Variants in GALNT13 observed in about 807,000 individuals in gnomAD.
GALNT13 encodes UDP-GalNAc:polypeptide N-acetylgalactosaminyltransferase 13.
In GALNT13, 28 loss-of-function variants were observed where a neutral mutation model predicts 64.2. That is an observed-to-expected ratio of 0.44 (90% CI 0.32 to 0.60). The LOEUF is 0.60. Among genes scored for constraint, GALNT13 ranks in the 20% least tolerant of loss-of-function variants. The pLI, the probability that GALNT13 is intolerant of heterozygous loss-of-function variation, is 0.05. For synonymous variants in GALNT13, 214 were observed against 224.6 expected (o/e 0.95, Z 0.42); for missense variants, 577 against 669.8 (o/e 0.86, Z 1.53).
the GALNT13 span, among the ~76,000 whole-genome samples, chr2:153,697,522 T>G: frequency 6.6e-6 from 1 of 152,154 alleles, no homozygotes; most frequent in African/African-American, 2.4e-5. Context: ...TATTTCTGAA[T>G]GTGATGTGTG....
At chr2:154,082,645 G>A (rs563588058) in intron 3 of GALNT13, among the ~76,000 whole-genome samples, 33 of 151,826 alleles carry the variant, frequency 2.2e-4, no homozygotes, top group Admixed American at 1.9e-3. Context: ...AAGTGGTTTC[G>A]AATCAGAACT....
the GALNT13 span, among the ~76,000 whole-genome samples, chr2:153,830,291 T>A: frequency 6.6e-6 from 1 of 152,168 alleles, no homozygotes; most frequent in Admixed American, 6.5e-5. Flanking sequence ...CACAATTTTC[T>A]TTATTATTAT....
At chr2:153,595,749 A>C in the GALNT13 span, among the ~76,000 whole-genome samples, 2 of 152,142 alleles carry the variant, frequency 1.3e-5, no homozygotes, top group East Asian at 3.8e-4. Context: ...ACAGATGAAA[A>C]TTGTCCTACC....
chr2:153,966,405 G>A (rs1278198056), intron 3 of GALNT13, among the ~76,000 whole-genome samples: 4 of 150,270 alleles, frequency 2.7e-5, no homozygotes, highest in South Asian at 4.2e-4. Context: ...TTGCACTGTC[G>A]CCTAGGCTGG....
intron 3 of GALNT13, among the ~76,000 whole-genome samples, chr2:154,086,731 A>G (rs1249891941): frequency 6.6e-6 from 1 of 151,910 alleles, no homozygotes; most frequent in Non-Finnish European, 1.5e-5. Flanking sequence ...AAAGCAAAGC[A>G]TATCAATTGA....
At chr2:154,232,245 A>G (rs940987297) in intron 4 of GALNT13, among the ~76,000 whole-genome samples, 12 of 152,180 alleles carry the variant, frequency 7.9e-5, no homozygotes, top group African/African-American at 2.7e-4. Context: ...TGAAAATACA[A>G]CTAGTAAATA....
At chr2:153,531,016 C>T in the GALNT13 span, among the ~76,000 whole-genome samples, 1 of 152,100 alleles carries the variant, frequency 6.6e-6, no homozygotes, top group Non-Finnish European at 1.5e-5. Context: ...GCACAGGCAA[C>T]CAATGCAAAA....
chr2:154,413,383 A>G (rs1257530705), intron 11 of GALNT13, among the ~76,000 whole-genome samples: 2 of 151,966 alleles, frequency 1.3e-5, no homozygotes, highest in Non-Finnish European at 2.9e-5. Context: ...GTTCTAGCCT[A>G]TATCTACTTT....
rs1039365477 is a variant in GALNT13, at chr2:154,337,005, T to C, written c.1156+35416T>C. On this transcript the variant is annotated intron_variant, in intron 9 of 12. Coordinates refer to ENST00000392825, the MANE Select transcript of GALNT13 (RefSeq NM_052917.4). Reference sequence around the variant, plus strand: ...CAAATATACCATCTCCAATTATTAATATAATTTTTAAATTGTTAAATTATT... The same window carrying C: ...CAAATATACCATCTCCAATTATTAACATAATTTTTAAATTGTTAAATTATT... 3.9e-5 allele frequency among the ~76,000 whole-genome samples: 6 copies of C among 152,210 alleles called. No individual in the cohort carries two copies. The East Asian group carries it at 1.2e-3, about 29-fold the overall frequency.
chr2:154,450,266 C>A (rs1701819156), intron 12 of GALNT13, 145 bp from the exon 13 acceptor site: 2 of 595,328 alleles, frequency 3.4e-6, no homozygotes, highest in Non-Finnish European at 5.7e-6. Flanking sequence ...CCAGGGACAC[C>A]TGTGCACAGT....
chr2:153,165,481 G>A, the GALNT13 span, among the ~76,000 whole-genome samples: 1 of 152,266 alleles, frequency 6.6e-6, no homozygotes, highest in East Asian at 1.9e-4. Flanking sequence ...ATCTTTTGCA[G>A]CATTATTTTA....
the GALNT13 span, among the ~76,000 whole-genome samples, chr2:153,175,179 T>C: frequency 6.6e-6 from 1 of 152,170 alleles, no homozygotes; most frequent in Non-Finnish European, 1.5e-5. Context: ...CTGAGGTTTT[T>C]CTCTCCATTC....
At chr2:153,818,488 C>T in the GALNT13 span, among the ~76,000 whole-genome samples, 1 of 152,172 alleles carries the variant, frequency 6.6e-6, no homozygotes, top group African/African-American at 2.4e-5. Context: ...AGGAAGTGCC[C>T]AGACAGCAGA....
intron 8 of GALNT13, among the ~76,000 whole-genome samples, chr2:154,267,747 G>A (rs1205880548): frequency 6.6e-6 from 1 of 152,000 alleles, no homozygotes; most frequent in African/African-American, 2.4e-5. Context: ...TTATATATCT[G>A]ATAATGGATT....
At chr2:154,101,819 C>A (rs893813389) in intron 3 of GALNT13, among the ~76,000 whole-genome samples, 1 of 151,930 alleles carries the variant, frequency 6.6e-6, no homozygotes, top group African/African-American at 2.4e-5. Flanking sequence ...TGCTGTATCC[C>A]AGAGGTTTTG....
At chr2:154,173,063 C>G (rs1457574806) in intron 4 of GALNT13, among the ~76,000 whole-genome samples, 1 of 152,000 alleles carries the variant, frequency 6.6e-6, no homozygotes, top group Non-Finnish European at 1.5e-5. Context: ...CATCACATTA[C>G]TTGACTTCAA....
At chr2:153,799,717 C>T in the GALNT13 span, among the ~76,000 whole-genome samples, 3 of 152,052 alleles carry the variant, frequency 2.0e-5, no homozygotes, top group South Asian at 6.2e-4. Flanking sequence ...CTTAGTTTGG[C>T]CTATTAAATG....
the GALNT13 span, among the ~76,000 whole-genome samples, chr2:153,631,635 T>G: frequency 6.6e-6 from 1 of 152,224 alleles, no homozygotes; most frequent in Non-Finnish European, 1.5e-5. Context: ...GTTCATATCC[T>G]TCACCCACTT....
the GALNT13 span, among the ~76,000 whole-genome samples, chr2:153,113,181 G>C: frequency 6.6e-6 from 1 of 152,030 alleles, no homozygotes; most frequent in Non-Finnish European, 1.5e-5. Flanking sequence ...CTTCTGGCAA[G>C]ATTCTTGAAT....
Sources: gnomAD v4.1 joint callset for allele counts (sites outside exome capture counted in the v4.1 genomes callset) on GRCh38, gnomAD v4.1.1 for gene constraint, MANE v1.5 for transcripts, NCBI Gene and HGNC (gene_info 2026-07-23, HGNC 2026-07-21) for gene names.